Variants in PPP2R5C observed in about 807,000 individuals in gnomAD.
PPP2R5C encodes serine/threonine-protein phosphatase 2A 56 kDa regulatory subunit gamma isoform.
A neutral mutation model predicts 68.9 loss-of-function variants in PPP2R5C; 7 were observed. That is an observed-to-expected ratio of 0.10 (90% confidence interval 0.06 to 0.19). The LOEUF (loss-of-function observed/expected upper bound fraction) is 0.19. Ranked by LOEUF, PPP2R5C falls within the 10% of genes least tolerant of loss-of-function variation. The pLI, the probability that PPP2R5C is intolerant of heterozygous loss-of-function variation, is 1.00. For missense variants in PPP2R5C, 348 were observed against 641.3 expected (o/e 0.54, Z 4.94); for synonymous variants, 210 against 222.2 (o/e 0.95, Z 0.49).
At chr14:101,819,180 T>C (rs987801795) in intron 1 of PPP2R5C, 7 of 1,176,180 alleles carry the variant, frequency 6.0e-6, no homozygotes, top group Admixed American at 2.1e-5. Flanking sequence ...TTGGTTTTTT[T>C]CCCAGCTTTA....
At position 101,855,695 on chromosome 14, in the gene PPP2R5C, G is replaced by A. The variant is rs559696425; in HGVS notation, c.95-991G>A. Reference sequence around the variant, plus strand: ...GTATGTCAGTCAGTCCCGTTTATTCGTGTCACCACTGATCTCCTCTTCAGC... The same window carrying A: ...GTATGTCAGTCAGTCCCGTTTATTCATGTCACCACTGATCTCCTCTTCAGC... On this transcript the variant is annotated intron_variant, in intron 1 of 13. Coordinates refer to ENST00000334743, the Ensembl canonical transcript of PPP2R5C. Among the ~76,000 whole-genome samples, 18 of 152,186 alleles carry A rather than the reference G, an allele frequency of 1.2e-4. No individual in the cohort carries two copies. In the South Asian group the frequency reaches 1.5e-3, roughly 12 times the overall value.
chr14:101,918,004 C>T, intron 13 of PPP2R5C, 57 bp downstream of exon 15: 2 of 1,609,096 alleles, frequency 1.2e-6, no homozygotes, highest in Non-Finnish European at 1.7e-6. Context: ...AAGAAATGCA[C>T]ATTTTTGTAG....
At chr14:101,801,176 T>C (rs2038847280) in intron 3 of PPP2R5C, among the ~76,000 whole-genome samples, 1 of 152,200 alleles carries the variant, frequency 6.6e-6, no homozygotes, top group African/African-American at 2.4e-5. Context: ...AACAATAATT[T>C]ATTATATATT....
intron 1 of PPP2R5C, among the ~76,000 whole-genome samples, chr14:101,823,065 T>C (rs2140282740): frequency 6.6e-6 from 1 of 152,274 alleles, no homozygotes; most frequent in South Asian, 2.1e-4. Context: ...AGCCTTTAAG[T>C]GAAATGTAAA....
In PPP2R5C at chr14:101,835,981, C is replaced by G. The variant is rs1189710145; in HGVS notation, c.95-20705C>G. Among the ~76,000 whole-genome samples the G allele has an allele frequency of 2.6e-5, 4 of 152,018 alleles. No individual in the cohort carries two copies. The highest frequency in any genetic ancestry group is 5.9e-5 in the Non-Finnish European group (4 of 67,998). ...ATATATTACCAGCATGTAGAAAATA[C>G]CCAATAATGATGAACTATTAGTATT... is the stretch of plus-strand genomic sequence containing the variant. On this transcript the variant is annotated intron_variant, in intron 1 of 13. Transcript: ENST00000334743. The surrounding 1 kb of genome is among the most constrained non-coding windows in gnomAD (Gnocchi z 5.0).
At chr14:101,799,829 T>G (rs1184702455) in intron 3 of PPP2R5C, among the ~76,000 whole-genome samples, 3 of 152,236 alleles carry the variant, frequency 2.0e-5, no homozygotes, top group African/African-American at 7.2e-5. Flanking sequence ...GTACCTGATC[T>G]CATTTATCCA....
chr14:101,829,953 A>T (rs571876828), intron 1 of PPP2R5C, among the ~76,000 whole-genome samples: 11 of 142,346 alleles, frequency 7.7e-5, no homozygotes, highest in South Asian at 2.2e-4. Context: ...AAAAAAAAAA[A>T]TTTTTTTTCA....
At chr14:101,920,913 G>A (rs1477848509) in intron 13 of PPP2R5C, among the ~76,000 whole-genome samples, 1 of 151,976 alleles carries the variant, frequency 6.6e-6, no homozygotes, top group Non-Finnish European at 1.5e-5. Context: ...TTACAGGTGT[G>A]AGGACCTGTG....
intron 1 of PPP2R5C, among the ~76,000 whole-genome samples, chr14:101,811,893 G>A (rs1595226985): frequency 1.3e-5 from 2 of 151,646 alleles, no homozygotes; most frequent in East Asian, 3.9e-4. Context: ...ACCTTATTAT[G>A]GCCAGTTTGT....
At chr14:101,918,036 C>A in intron 13 of PPP2R5C, 89 bp downstream of exon 15, 2 of 1,552,980 alleles carry the variant, frequency 1.3e-6, no homozygotes, top group Non-Finnish European at 1.7e-6. Flanking sequence ...TGCATCAGTG[C>A]CTTCTGTTTA....
At chr14:101,815,472 C>T (rs193006360) in intron 1 of PPP2R5C, among the ~76,000 whole-genome samples, 45 of 152,192 alleles carry the variant, frequency 3.0e-4, no homozygotes, top group Admixed American at 1.7e-3. Flanking sequence ...TACCTGCTGT[C>T]CCAGTTCACT....
intron 2 of PPP2R5C, among the ~76,000 whole-genome samples, chr14:101,878,961 A>C (rs2043972351): frequency 6.6e-6 from 1 of 152,188 alleles, no homozygotes; most frequent in African/African-American, 2.4e-5. Flanking sequence ...GATGGGTGAA[A>C]TCACACTTTC....
intron 9 of PPP2R5C, among the ~76,000 whole-genome samples, chr14:101,903,793 G>A (rs867978634): frequency 4.0e-5 from 6 of 151,028 alleles, no homozygotes; most frequent in South Asian, 4.2e-4. Flanking sequence ...CTCCTGCCTC[G>A]GCCTCCCGAG....
In PPP2R5C at chr14:101,891,161, G is replaced by A. The variant is rs985785436; in HGVS notation, c.689+865G>A. Among the ~76,000 whole-genome samples, 10 of 152,122 alleles carry A rather than the reference G, an allele frequency of 6.6e-5. No individual in the cohort carries two copies. The highest frequency in any genetic ancestry group is 1.3e-4 in the Non-Finnish European group (9 of 68,040). On this transcript the variant is annotated intron_variant, in intron 6 of 13. Coordinates refer to ENST00000334743, the Ensembl canonical transcript of PPP2R5C. This position sits in a 1 kb window ranked among gnomAD's most constrained non-coding sequence, Gnocchi z 4.9. ...TTCCTCAGGGTCCCATGGTTAGTAA[G>A]TGTGGAAGTGCTTTTTCCTGCACCT... is the stretch of plus-strand genomic sequence containing the variant.
At chr14:101,892,400 G>A (rs1490685450) in intron 6 of PPP2R5C, among the ~76,000 whole-genome samples, 1 of 139,624 alleles carries the variant, frequency 7.2e-6, no homozygotes, top group African/African-American at 2.5e-5. Flanking sequence ...GGGGTGGGGG[G>A]GGTCCCACGT....
At position 101,825,094 on chromosome 14, in the gene PPP2R5C, A is replaced by G. The variant is rs1595278874; in HGVS notation, c.94+15058A>G. ...CTTCTCACGCCATCTTCGTCACTAC[A>G]CAAGGGGAAGTTGGGCTAAGAATAA... On this transcript the variant is annotated intron_variant, in intron 1 of 13. Coordinates refer to ENST00000334743, the Ensembl canonical transcript of PPP2R5C. The surrounding 1 kb of genome is among the most constrained non-coding windows in gnomAD (Gnocchi z 4.0). 6.6e-6 allele frequency among the ~76,000 whole-genome samples: 1 copy of G among 152,302 alleles called. No individual in the cohort carries two copies.
intron 2 of PPP2R5C, among the ~76,000 whole-genome samples, chr14:101,867,196 G>A (rs990970511): frequency 3.9e-4 from 59 of 151,550 alleles, no homozygotes; most frequent in African/African-American, 1.0e-3. Flanking sequence ...CAGCCTGGGC[G>A]ACAGAGCGAG....
chr14:101,869,000 C>T (rs903758960), intron 2 of PPP2R5C, among the ~76,000 whole-genome samples: 1 of 152,200 alleles, frequency 6.6e-6, no homozygotes, highest in African/African-American at 2.4e-5. Flanking sequence ...GCAACCTCCG[C>T]CTCCTGTGTT....
In PPP2R5C at chr14:101,894,673, G is replaced by A; in HGVS notation, c.852+113G>A. ...CATTCAGACTTTTTCATCTTAAATT[G>A]CAATACTAATAAACAGGCTCATTTC... On this transcript the variant is annotated intron_variant, in intron 8 of 13. Coordinates refer to ENST00000334743, the Ensembl canonical transcript of PPP2R5C. 5.1e-6 allele frequency: 5 copies of A among 987,896 alleles called. No homozygotes were observed. The South Asian group carries it at 7.0e-5, about 14-fold the overall frequency. 61.2% of individuals were successfully genotyped at this position (987,896 alleles called of 1,614,324 possible). A position where few individuals can be genotyped will look rare whatever the true frequency, so the allele number is the denominator to read the frequency against.
Sources: gnomAD v4.1 joint callset for allele counts (sites outside exome capture counted in the v4.1 genomes callset) on GRCh38, gnomAD v4.1.1 for gene constraint, Gnocchi (gnomAD v3.1) non-coding constraint, MANE v1.5 for transcripts, NCBI Gene and HGNC (gene_info 2026-07-23, HGNC 2026-07-21) for gene names.